Variants in BABAM2 observed in about 807,000 individuals in gnomAD.
The protein encoded by BABAM2 is BRISC and BRCA1 A complex member 2, also known as BRISC and BRCA1-A complex member 2.
In BABAM2, 31 loss-of-function variants were observed where a neutral mutation model predicts 54.7. That is an observed-to-expected ratio of 0.57 (90% confidence interval 0.43 to 0.77). BABAM2 has a LOEUF of 0.77. Ranked by LOEUF, BABAM2 falls within the 30% of genes least tolerant of loss-of-function variation. The pLI, the probability that BABAM2 is intolerant of heterozygous loss-of-function variation, is 0.00. For synonymous variants in BABAM2, 167 were observed against 162.9 expected (o/e 1.03, Z -0.19); for missense variants, 364 against 455.8 (o/e 0.80, Z 1.83).
intron 6 of BABAM2, among the ~76,000 whole-genome samples, chr2:28,112,378 C>A (rs1480797883): frequency 6.6e-6 from 1 of 151,464 alleles, no homozygotes; most frequent in Non-Finnish European, 1.5e-5. Flanking sequence ...CCCTGACAGG[C>A]CCTGGTGTGT....
intron 7 of BABAM2, among the ~76,000 whole-genome samples, chr2:28,178,474 A>T (rs1036349394): frequency 2.6e-5 from 4 of 152,136 alleles, no homozygotes; most frequent in Non-Finnish European, 5.9e-5. Context: ...AACATAGCAC[A>T]CCACAACCTA....
At chr2:28,004,453 C>A (rs1673807902) in intron 4 of BABAM2, among the ~76,000 whole-genome samples, 1 of 152,080 alleles carries the variant, frequency 6.6e-6, no homozygotes, top group South Asian at 2.1e-4. Context: ...AATACAGTTT[C>A]TTGAATCTGT....
intron 7 of BABAM2, among the ~76,000 whole-genome samples, chr2:28,191,775 G>A (rs1190761710): frequency 6.6e-6 from 1 of 152,088 alleles, no homozygotes; most frequent in Non-Finnish European, 1.5e-5. Flanking sequence ...GTTGTGGAAG[G>A]GAGAGATTAC....
chr2:28,129,593 G>A (rs1039531069), intron 7 of BABAM2, among the ~76,000 whole-genome samples: 10 of 152,098 alleles, frequency 6.6e-5, no homozygotes, highest in African/African-American at 2.4e-4. Flanking sequence ...TGTGCATTTA[G>A]TGACATGAAT....
intron 7 of BABAM2, among the ~76,000 whole-genome samples, chr2:28,204,691 C>T (rs918539290): frequency 1.3e-5 from 2 of 152,054 alleles, no homozygotes; most frequent in African/African-American, 4.8e-5. Context: ...TAGTTTTAGC[C>T]AACCTTTATT....
chr2:28,074,939 C>G (rs542930637), intron 6 of BABAM2, among the ~76,000 whole-genome samples: 1 of 152,138 alleles, frequency 6.6e-6, no homozygotes, highest in South Asian at 2.1e-4. Flanking sequence ...GTTCATTCTT[C>G]TTCCAAGATT....
At chr2:28,146,733 G>GGGGATTT (rs1671526292) in intron 7 of BABAM2, among the ~76,000 whole-genome samples, 1 of 152,084 alleles carries the variant, frequency 6.6e-6, no homozygotes, top group Non-Finnish European at 1.5e-5. Context: ...TGGAGGCCTA[G>GGGGATTT]GGGATTTTCA....
chr2:28,108,557 T>C (rs1667726522), intron 6 of BABAM2, among the ~76,000 whole-genome samples: 1 of 152,268 alleles, frequency 6.6e-6, no homozygotes, highest in South Asian at 2.1e-4. Context: ...CTTCTAAATC[T>C]GTTCATCAGC....
chr2:28,211,730 G>A (rs777851521), intron 7 of BABAM2, among the ~76,000 whole-genome samples: 2 of 151,392 alleles, frequency 1.3e-5, no homozygotes, highest in Non-Finnish European at 2.9e-5. Flanking sequence ...CTTTGGAAGG[G>A]GTCCTATAAT....
intron 10 of BABAM2, among the ~76,000 whole-genome samples, chr2:28,260,013 G>A (rs989247444): frequency 4.6e-5 from 7 of 151,564 alleles, no homozygotes; most frequent in Non-Finnish European, 1.0e-4. Flanking sequence ...TAATTCCTCT[G>A]CCTCAGCCTC....
chr2:28,261,439 C>T lies in BABAM2; in HGVS notation c.934+16577C>T, dbSNP rs967710914. 1.1e-3 allele frequency among the ~76,000 whole-genome samples: 168 copies of T among 151,822 alleles called. 1 individual carries two copies. The highest frequency in any genetic ancestry group is 3.9e-3 in the African/African-American group (161 of 41,306). On this transcript the variant is annotated intron_variant, in intron 10 of 11. Transcript: ENST00000379624. ...CCACCTCCCGGGTTCATGGCATTCTCCTGCCTCAGCCTCCCGAGTAGCTGG... is the reference window on the plus strand; with the variant it reads ...CCACCTCCCGGGTTCATGGCATTCTTCTGCCTCAGCCTCCCGAGTAGCTGG...
intron 6 of BABAM2, among the ~76,000 whole-genome samples, chr2:28,060,950 C>T (rs1678810764): frequency 6.6e-6 from 1 of 152,082 alleles, no homozygotes; most frequent in African/African-American, 2.4e-5. Context: ...GAAATCTCAG[C>T]AGAAATTGTA....
At chr2:28,324,465 C>T (rs1021454923) in intron 11 of BABAM2, among the ~76,000 whole-genome samples, 1 of 152,058 alleles carries the variant, frequency 6.6e-6, no homozygotes, top group African/African-American at 2.4e-5. Context: ...CACCTATTAG[C>T]TGTGTGATCT....
chr2:28,241,864 CTT>C (rs35913780), intron 9 of BABAM2, among the ~76,000 whole-genome samples: 23,974 of 110,670 alleles, frequency 0.22, 2,157 homozygotes, highest in South Asian at 0.26. Context: ...CCCAGGATCC[CTT>C]TTTTTTTTTT....
chr2:28,309,636 A>G (rs1688887693), intron 11 of BABAM2: 1 of 158,292 alleles, frequency 6.3e-6, no homozygotes, highest in Non-Finnish European at 1.4e-5. Context: ...CATCATATGT[A>G]CCCCAGTAAA....
At chr2:28,218,384 A>C (rs1326249472) in intron 7 of BABAM2, among the ~76,000 whole-genome samples, 1 of 152,244 alleles carries the variant, frequency 6.6e-6, no homozygotes, top group African/African-American at 2.4e-5. Context: ...AAGCCAGATC[A>C]CACATTGTCT....
At chr2:28,110,194 A>C (rs1226305158) in intron 6 of BABAM2, among the ~76,000 whole-genome samples, 1 of 148,732 alleles carries the variant, frequency 6.7e-6, no homozygotes, top group African/African-American at 2.6e-5. Context: ...GTAGGATGTC[A>C]GAATTTTCTT....
chr2:28,330,979 A>C (rs1021383850), intron 11 of BABAM2, among the ~76,000 whole-genome samples: 2 of 152,154 alleles, frequency 1.3e-5, no homozygotes, highest in South Asian at 4.1e-4. Context: ...AACAGACACA[A>C]ACCAGTGGAA....
chr2:28,192,099 A>T (rs1283892084), intron 7 of BABAM2, among the ~76,000 whole-genome samples: 1 of 152,082 alleles, frequency 6.6e-6, no homozygotes, highest in East Asian at 1.9e-4. Flanking sequence ...CAGTGGCACG[A>T]TCTCGGCTCT....
Sources: gnomAD v4.1 joint callset for allele counts (sites outside exome capture counted in the v4.1 genomes callset) on GRCh38, gnomAD v4.1.1 for gene constraint, MANE v1.5 for transcripts, NCBI Gene and HGNC (gene_info 2026-07-23, HGNC 2026-07-21) for gene names.